Variants in ADAM12 observed in about 807,000 individuals in gnomAD.
ADAM12 encodes the protein ADAM metallopeptidase domain 12.
Under a neutral mutation model 106.4 loss-of-function variants are expected in ADAM12, and 70 were observed. The ratio of observed to expected loss-of-function variants is 0.66; its 90% CI spans 0.54 to 0.80. ADAM12 has a LOEUF of 0.80. Ranked by LOEUF, ADAM12 falls within the 30% of genes least tolerant of loss-of-function variation. ADAM12 has a pLI of 0.00. For missense variants in ADAM12, 1,010 were observed against 1,171.9 expected (o/e 0.86, Z 2.02); for synonymous variants, 420 against 433.5 (o/e 0.97, Z 0.39).
chr10:126,145,483 G>T (rs1956609665), intron 4 of ADAM12: 1 of 152,070 alleles, frequency 6.6e-6, no homozygotes, highest in Non-Finnish European at 1.5e-5. Context: ...CAGCATATAG[G>T]AGCTGAGACT....
intron 11 of ADAM12, among the ~76,000 whole-genome samples, chr10:126,086,842 T>A (rs750212375): frequency 3.3e-4 from 49 of 150,088 alleles, no homozygotes; most frequent in Admixed American, 1.3e-3. Context: ...CAGACCAGCC[T>A]GGCCAACATG....
chr10:126,034,266 C>T (rs892412578), intron 21 of ADAM12, among the ~76,000 whole-genome samples: 6 of 151,676 alleles, frequency 4.0e-5, no homozygotes, highest in Non-Finnish European at 7.4e-5. Context: ...TGTTTGGAAA[C>T]ATAATTACAC....
At chr10:126,188,073 C>A (rs1957431522) in intron 3 of ADAM12, among the ~76,000 whole-genome samples, 1 of 152,136 alleles carries the variant, frequency 6.6e-6, no homozygotes. Context: ...CAATGACAGC[C>A]CAGTCCACCC....
At chr10:126,124,316 C>T (rs1278307) in intron 5 of ADAM12, among the ~76,000 whole-genome samples, 5 of 151,300 alleles carry the variant, frequency 3.3e-5, no homozygotes, top group African/African-American at 1.2e-4. Flanking sequence ...GGAGCAACTC[C>T]TGGGTAAAAG....
chr10:126,274,147 G>A (rs1388460311), intron 3 of ADAM12, among the ~76,000 whole-genome samples: 1 of 152,184 alleles, frequency 6.6e-6, no homozygotes, highest in Admixed American at 6.5e-5. Flanking sequence ...TGCCTATGAT[G>A]AGCCACGCTG....
chr10:126,324,127 T>A (rs956257578), intron 2 of ADAM12, among the ~76,000 whole-genome samples: 4 of 152,186 alleles, frequency 2.6e-5, no homozygotes, highest in Admixed American at 2.6e-4. Context: ...TGAATTTGCA[T>A]GAATTAAATG....
intron 3 of ADAM12, among the ~76,000 whole-genome samples, chr10:126,202,036 A>T (rs1957711604): frequency 1.3e-5 from 2 of 152,160 alleles, no homozygotes; most frequent in Admixed American, 1.3e-4. Flanking sequence ...AACGCACAGG[A>T]TGTACAGCAC....
At chr10:126,123,557 CA>C (rs1463545712) in intron 5 of ADAM12, among the ~76,000 whole-genome samples, 2 of 152,176 alleles carry the variant, frequency 1.3e-5, no homozygotes, top group Non-Finnish European at 2.9e-5. Flanking sequence ...TGGTCAGGGT[CA>C]CCCCCCTGTG....
intron 3 of ADAM12, among the ~76,000 whole-genome samples, chr10:126,189,847 C>T (rs1484651982): frequency 6.6e-6 from 1 of 152,116 alleles, no homozygotes; most frequent in Non-Finnish European, 1.5e-5. Context: ...GCAGAACCTT[C>T]CTGAAGACGG....
intron 3 of ADAM12, among the ~76,000 whole-genome samples, chr10:126,244,576 C>T (rs1435907239): frequency 6.6e-6 from 1 of 152,184 alleles, no homozygotes. Context: ...CTTCCTTCAG[C>T]AGGAAAGTGT....
At chr10:126,335,444 G>A (rs1564740328) in intron 1 of ADAM12, among the ~76,000 whole-genome samples, 1 of 152,198 alleles carries the variant, frequency 6.6e-6, no homozygotes, top group Non-Finnish European at 1.5e-5. Flanking sequence ...CCAGGGACAA[G>A]GCTTCGGAAA....
intron 2 of ADAM12, among the ~76,000 whole-genome samples, chr10:126,317,068 A>G (rs1853903520): frequency 6.6e-6 from 1 of 152,202 alleles, no homozygotes; most frequent in African/African-American, 2.4e-5. Flanking sequence ...AGTTTGAGAA[A>G]CATGGATGCA....
intron 4 of ADAM12, among the ~76,000 whole-genome samples, chr10:126,143,647 G>A (rs1391343021): frequency 6.6e-6 from 1 of 151,568 alleles, no homozygotes; most frequent in Admixed American, 6.6e-5. Flanking sequence ...ACGTATGTGT[G>A]TATATGGTGT....
intron 2 of ADAM12, among the ~76,000 whole-genome samples, 181 bp from the exon 3 acceptor site, chr10:126,279,169 G>T (rs1307021168): frequency 6.6e-6 from 1 of 152,134 alleles, no homozygotes; most frequent in Non-Finnish European, 1.5e-5. Context: ...AAAAAGAGCA[G>T]TGAAGGCCAG....
chr10:126,201,460 A>G (rs923492518), intron 3 of ADAM12, among the ~76,000 whole-genome samples: 6 of 152,190 alleles, frequency 3.9e-5, no homozygotes, highest in African/African-American at 7.2e-5. Flanking sequence ...GGCAAGCACC[A>G]GAAGCTGGAA....
At chr10:126,045,837 T>G (rs564489230) in intron 17 of ADAM12, among the ~76,000 whole-genome samples, 27 of 152,360 alleles carry the variant, frequency 1.8e-4, no homozygotes, top group African/African-American at 6.0e-4. Context: ...CATAGAATGT[T>G]AATTTAAAAG....
chr10:126,072,905 A>G (rs961429425), intron 11 of ADAM12, among the ~76,000 whole-genome samples: 6 of 152,170 alleles, frequency 3.9e-5, no homozygotes, highest in Admixed American at 1.3e-4. Context: ...AACCAACGCA[A>G]GCTGCTACGC....
chr10:126,036,051 C>T lies in ADAM12; in HGVS notation c.2529+95G>A, dbSNP rs561795722. On this transcript the variant is annotated intron_variant, in intron 21 of 22. Transcript: ENST00000448723. ...GAATTATCTCCATTTTACAGAGGCA[C>T]CGAGAAGTTAAGCAACTTATCTAAG... The T allele has an allele frequency of 3.6e-4, 404 of 1,129,194 alleles. 2 individuals are homozygous for T. The African/African-American group carries it at 5.8e-3, about 16-fold the overall frequency. 69.9% of individuals were successfully genotyped at this position (1,129,194 alleles called of 1,614,324 possible). A position where few individuals can be genotyped will look rare whatever the true frequency, so the allele number is the denominator to read the frequency against.
intron 2 of ADAM12, among the ~76,000 whole-genome samples, chr10:126,323,716 G>A (rs921923627): frequency 2.0e-5 from 3 of 152,174 alleles, no homozygotes; most frequent in East Asian, 1.9e-4. Flanking sequence ...CTCTGTGATC[G>A]CGCCAGAGAG....
Sources: allele counts gnomAD v4.1 joint callset (sites outside exome capture counted in the v4.1 genomes callset), GRCh38; gene constraint gnomAD v4.1.1; transcripts MANE v1.5; gene names NCBI Gene and HGNC (gene_info 2026-07-23, HGNC 2026-07-21).